The following ATP11A variants were observed in gnomAD, a reference collection of about 807,000 sequenced individuals.
ATP11A encodes the protein phospholipid-transporting ATPase IH.
ATP11A carries 81 observed loss-of-function variants against 154.4 expected under a neutral mutation model. That is an observed-to-expected ratio of 0.52 (90% CI 0.44 to 0.63). ATP11A has a LOEUF of 0.63. Among genes scored for constraint, ATP11A ranks in the 30% least tolerant of loss-of-function variants. The probability of loss-of-function intolerance (pLI) is 0.00; values close to 1 mark genes in which losing one functional copy is unlikely to be tolerated. For synonymous variants in ATP11A, 623 were observed against 585.9 expected (o/e 1.06, Z -0.91); for missense variants, 1,316 against 1,474.3 (o/e 0.89, Z 1.76).
At chr13:112,756,495 G>A (rs2076836492) in intron 1 of ATP11A, among the ~76,000 whole-genome samples, 1 of 152,172 alleles carries the variant, frequency 6.6e-6, no homozygotes, top group Non-Finnish European at 1.5e-5. Context: ...ACTCACTGGG[G>A]CGCTCTCTTG....
Position 112,857,995 on chromosome 13 carries a change from A to G in ATP11A, c.2521+75A>G, listed in dbSNP as rs531482791. The G allele has an allele frequency of 4.4e-6, 7 of 1,573,882 alleles. No individual in the cohort carries two copies. In the Admixed American group the frequency reaches 5.0e-5, roughly 11 times the overall value. On this transcript the variant is annotated intron_variant, in intron 21 of 29. Transcript: ENST00000375645. ...TCGCTAGACAAAGGCCCATGGCAGC[A>G]CGCAGGTGCATTCAGGACACCCCCG...
chr13:112,836,439 T>C lies in ATP11A; in HGVS notation c.1705+188T>C, dbSNP rs544894437. ...TTTAAAAAGTGCAACATTTCTGGAA[T>C]GCTGAGGAAGGAGTCCTGGGCTAAA... On this transcript the variant is annotated intron_variant, in intron 16 of 29. Transcript: ENST00000375645. 6.6e-5 allele frequency among the ~76,000 whole-genome samples: 10 copies of C among 152,330 alleles called. No individual in the cohort carries two copies. The East Asian group carries it at 1.9e-3, about 29-fold the overall frequency.
intron 25 of ATP11A, among the ~76,000 whole-genome samples, chr13:112,865,085 G>A (rs1341305847): frequency 7.6e-4 from 83 of 108,674 alleles, no homozygotes; most frequent in Admixed American, 1.1e-3. Flanking sequence ...CACCACATGG[G>A]CAGTAATTCA....
At chr13:112,874,445 G>T (rs1263865722) in intron 27 of ATP11A, among the ~76,000 whole-genome samples, 2 of 152,254 alleles carry the variant, frequency 1.3e-5, no homozygotes, top group African/African-American at 2.4e-5. Context: ...AGCGACATAG[G>T]CAGGGTGGTC....
chr13:112,740,903 A>G (rs1174890185), intron 1 of ATP11A, among the ~76,000 whole-genome samples: 1 of 152,166 alleles, frequency 6.6e-6, no homozygotes, highest in African/African-American at 2.4e-5. Context: ...TGCTGCGCTC[A>G]GCGTTATTCA....
Position 112,763,675 on chromosome 13 carries a change from G to A in ATP11A, c.40-21460G>A, listed in dbSNP as rs563173154. On this transcript the variant is annotated intron_variant, in intron 1 of 29. Transcript: ENST00000375645. ...GCATCCTCTACATGGAGGAACCTTG[G>A]CTTCCACGACCTCCTTATCTTAACT... Among the ~76,000 whole-genome samples the A allele has an allele frequency of 3.3e-5, 5 of 152,250 alleles. No homozygotes were observed. The South Asian group carries it at 1.0e-3, about 32-fold the overall frequency.
intron 1 of ATP11A, among the ~76,000 whole-genome samples, chr13:112,765,159 G>A (rs1016777497): frequency 1.3e-4 from 9 of 66,768 alleles, no homozygotes; most frequent in Admixed American, 4.0e-4. Flanking sequence ...CCTCCCCCCC[G>A]CCCCGGCTCT....
chr13:112,862,416 G>A (rs372765741), intron 24 of ATP11A, 24 bp from the exon 25 acceptor site: 63 of 1,612,384 alleles, frequency 3.9e-5, no homozygotes, highest in Middle Eastern at 3.9e-4. Flanking sequence ...GAGGACACAC[G>A]CTGTGCACCT....
rs543602618 is a variant in ATP11A at position 112,730,702 on chromosome 13, A to G, written c.39+40247A>G. On this transcript the variant is annotated intron_variant, in intron 1 of 29. Coordinates refer to ENST00000375645, the MANE Select transcript of ATP11A (RefSeq NM_015205.3). ...ACATGAGCCTACCATGGCAGATCAT[A>G]TATTTGTAAATGAACCTTAAAAGGT... 9.4e-4 allele frequency among the ~76,000 whole-genome samples: 143 copies of G among 152,296 alleles called. 1 individual carries two copies. The highest frequency in any genetic ancestry group is 1.5e-3 in the Non-Finnish European group (103 of 68,020).
At chr13:112,713,804 C>T (rs551880201) in intron 1 of ATP11A, among the ~76,000 whole-genome samples, 3 of 152,022 alleles carry the variant, frequency 2.0e-5, no homozygotes, top group Non-Finnish European at 2.9e-5. Flanking sequence ...GGAAAAAGGC[C>T]GAGGATGCTG....
chr13:112,881,083 A>T, intron 29 of ATP11A: 1 of 987,370 alleles, frequency 1.0e-6, no homozygotes, highest in Non-Finnish European at 1.2e-6. Flanking sequence ...CGGAGCACAT[A>T]GCTTGTCGCC....
intron 29 of ATP11A, chr13:112,881,377 C>T: frequency 2.9e-6 from 3 of 1,040,962 alleles, no homozygotes; most frequent in Non-Finnish European, 3.5e-6. Flanking sequence ...CAACCCGGTC[C>T]CTGTGGGGTG....
At chr13:112,752,742 C>G (rs2076724404) in intron 1 of ATP11A, among the ~76,000 whole-genome samples, 1 of 152,104 alleles carries the variant, frequency 6.6e-6, no homozygotes, top group South Asian at 2.1e-4. Flanking sequence ...AGTAGGATGC[C>G]AAGAATTTAC....
intron 1 of ATP11A, among the ~76,000 whole-genome samples, chr13:112,727,333 C>T (rs994426720): frequency 6.6e-6 from 1 of 152,246 alleles, no homozygotes; most frequent in Non-Finnish European, 1.5e-5. Flanking sequence ...AGGCGTGAGC[C>T]ACTGTGCCCT....
intron 1 of ATP11A, among the ~76,000 whole-genome samples, chr13:112,702,419 C>T (rs1387234441): frequency 1.3e-5 from 2 of 152,146 alleles, no homozygotes; most frequent in Non-Finnish European, 2.9e-5. Flanking sequence ...CCGCCCCGCC[C>T]CCCGCGTGTT....
chr13:112,854,583 G>C, intron 19 of ATP11A, 53 bp downstream of exon 19: 2 of 1,564,454 alleles, frequency 1.3e-6, no homozygotes, highest in Non-Finnish European at 1.7e-6. Context: ...AGGGGCTTCA[G>C]ACCCAGTGGC....
chr13:112,693,850 G>T (rs1477340320), intron 1 of ATP11A, among the ~76,000 whole-genome samples: 1 of 152,192 alleles, frequency 6.6e-6, no homozygotes, highest in African/African-American at 2.4e-5. Context: ...TACTCAGAAG[G>T]CTGAGGCAGG....
At chr13:112,724,445 G>A (rs997053402) in intron 1 of ATP11A, among the ~76,000 whole-genome samples, 3 of 152,010 alleles carry the variant, frequency 2.0e-5, no homozygotes, top group Non-Finnish European at 2.9e-5. Flanking sequence ...TGGGAGCAAT[G>A]TGATGGGTCC....
At chr13:112,775,328 G>A (rs759040424) in intron 1 of ATP11A, among the ~76,000 whole-genome samples, 1 of 152,184 alleles carries the variant, frequency 6.6e-6, no homozygotes, top group African/African-American at 2.4e-5. Flanking sequence ...CCTTAGCCCC[G>A]TCCTCTTCCT....
Sources: allele counts gnomAD v4.1 joint callset (sites outside exome capture counted in the v4.1 genomes callset), GRCh38; gene constraint gnomAD v4.1.1; transcripts MANE v1.5; gene names NCBI Gene and HGNC (gene_info 2026-07-23, HGNC 2026-07-21).